The following LCA5 variants were observed in gnomAD, a reference collection of about 807,000 sequenced individuals.
LCA5 encodes the protein lebercilin.
In LCA5, 37 loss-of-function variants were observed where a neutral mutation model predicts 53.0. The ratio of observed to expected loss-of-function variants is 0.70; its 90% CI spans 0.54 to 0.92. LCA5 has a LOEUF of 0.92. Among genes scored for constraint, LCA5 ranks in the 40% least tolerant of loss-of-function variants. The pLI, the probability that LCA5 is intolerant of heterozygous loss-of-function variation, is 0.00. For synonymous variants in LCA5, 303 were observed against 282.9 expected, an observed-to-expected ratio of 1.07 and a Z score of -0.71; for missense variants, 806 against 790.5, an observed-to-expected ratio of 1.02 and a Z score of -0.23.
chr6:79,525,786 G>T (rs569225817), intron 1 of LCA5, among the ~76,000 whole-genome samples: 1 of 150,804 alleles, frequency 6.6e-6, no homozygotes, highest in African/African-American at 2.4e-5. Flanking sequence ...AACTGACCTT[G>T]CAGGCCAGGG....
Position 79,487,528 on chromosome 6 carries a change from A to C in LCA5, c.1570T>G (p.Leu524Val). ...GGAGTTGAGAAACTGATGTCTTGCA[A>C]ATGATGCCCATTAAATAATCTCTCT... ...SSERLFNGHH[L>V]QDISFSTPKG... The change falls in exon 8 of 8, where the codon TTG becomes GTG. Residue 524 changes from leucine to valine, a missense_variant. Physicochemically the swap from Leu to Val is conservative, Grantham distance 32. Transcript: ENST00000369846. The C allele has an allele frequency of 6.2e-7, 1 of 1,614,058 alleles. No individual in the cohort carries two copies. The highest frequency in any genetic ancestry group is 8.5e-7 in the Non-Finnish European group (1 of 1,179,944).
At chr6:79,491,816 G>GC in intron 5 of LCA5, 86 bp from the exon 6 acceptor site, 14 of 1,107,832 alleles carry the variant, frequency 1.3e-5, no homozygotes, top group Non-Finnish European at 1.7e-5. Flanking sequence ...ATATATATAT[G>GC]CATGTGTGTT....
chr6:79,496,599 C>T (rs1769989548), intron 3 of LCA5, among the ~76,000 whole-genome samples: 1 of 152,020 alleles, frequency 6.6e-6, no homozygotes, highest in Non-Finnish European at 1.5e-5. Flanking sequence ...TATATGACTC[C>T]ACGTATATAA....
At chr6:79,502,054 G>A (rs1236635742) in intron 3 of LCA5, among the ~76,000 whole-genome samples, 1 of 152,028 alleles carries the variant, frequency 6.6e-6, no homozygotes, top group Non-Finnish European at 1.5e-5. Flanking sequence ...TTAAAAACCT[G>A]GTAGAGATTT....
rs1769643457 is a variant in LCA5, at chr6:79,486,019, A to T, written c.*985T>A. 6.6e-6 allele frequency: 1 copy of T among 152,150 alleles called. No individual in the cohort carries two copies. Among genetic ancestry groups the T allele is most frequent in the African/African-American group, 2.4e-5 (1 of 41,436 alleles). 9.4% of individuals were successfully genotyped at this position (152,150 alleles called of 1,614,324 possible). ...CACTTCTATTCAAAGTTGCTTTAAA[A>T]CTAATCCTGTAAGTCCAATAGTATT... On this transcript the variant is annotated 3_prime_UTR_variant, in exon 8 of 8. Transcript: ENST00000369846.
intron 1 of LCA5, among the ~76,000 whole-genome samples, chr6:79,526,065 C>G (rs776307150): frequency 1.3e-5 from 2 of 152,186 alleles, no homozygotes; most frequent in African/African-American, 2.4e-5. Context: ...GATTAGAAAA[C>G]AGGCCACAGG....
intron 3 of LCA5, among the ~76,000 whole-genome samples, chr6:79,499,899 A>G (rs1443878115): frequency 1.6e-5 from 2 of 127,198 alleles, no homozygotes; most frequent in African/African-American, 3.0e-5. Flanking sequence ...TCCTGTGTCC[A>G]TGTGTTCTCA....
At chr6:79,519,386 T>A (rs998154373) in intron 1 of LCA5, among the ~76,000 whole-genome samples, 3 of 152,162 alleles carry the variant, frequency 2.0e-5, no homozygotes, top group African/African-American at 7.2e-5. Flanking sequence ...TAATGGACAA[T>A]AATGATCAAA....
intron 3 of LCA5, 87 bp from the exon 4 acceptor site, chr6:79,493,837 T>C: frequency 9.6e-7 from 1 of 1,041,680 alleles, no homozygotes; most frequent in Non-Finnish European, 1.4e-6. Flanking sequence ...ATGATGTTTT[T>C]AGTGGTATTG....
chr6:79,535,824 G>A (rs768441798), intron 1 of LCA5, among the ~76,000 whole-genome samples: 3 of 152,148 alleles, frequency 2.0e-5, no homozygotes, highest in African/African-American at 7.2e-5. Flanking sequence ...GAAGACGGAA[G>A]ACTGAAGACT....
At chr6:79,503,337 T>C (rs908605843) in intron 3 of LCA5, among the ~76,000 whole-genome samples, 3 of 152,166 alleles carry the variant, frequency 2.0e-5, no homozygotes, top group African/African-American at 7.2e-5. Context: ...GAAGTCCCCT[T>C]TGTAACATAA....
intron 3 of LCA5, 108 bp downstream of exon 3, chr6:79,513,104 C>A (rs772895270): frequency 2.7e-6 from 3 of 1,106,858 alleles, no homozygotes; most frequent in East Asian, 4.8e-5. Context: ...AAATAGTTTT[C>A]ATTTCCAAGC....
intron 1 of LCA5, among the ~76,000 whole-genome samples, chr6:79,526,198 C>A (rs974915887): frequency 6.6e-6 from 1 of 152,128 alleles, no homozygotes; most frequent in Non-Finnish European, 1.5e-5. Flanking sequence ...GGGGTGGAAG[C>A]CTTTCCCCTT....
At chr6:79,493,993 T>C (rs1401463161) in intron 3 of LCA5, among the ~76,000 whole-genome samples, 1 of 152,140 alleles carries the variant, frequency 6.6e-6, no homozygotes, top group East Asian at 1.9e-4. Flanking sequence ...AAGGCTGGGA[T>C]GGTGGCTCAT....
At chr6:79,518,672 T>C (rs1766519491) in intron 2 of LCA5, 33 bp downstream of exon 2, 1 of 1,601,412 alleles carries the variant, frequency 6.2e-7, no homozygotes, top group Non-Finnish European at 8.6e-7. Flanking sequence ...ATGAGTCTTC[T>C]AGGTCCACCA....
At chr6:79,538,589 C>T (rs1767226463), upstream of LCA5, among the ~76,000 whole-genome samples, 1 of 152,200 alleles carries the variant, frequency 6.6e-6, no homozygotes. Flanking sequence ...TCTCTGCTGA[C>T]ACTGTTAAAA....
At chr6:79,537,481 T>C (rs374739250), upstream of LCA5, 1 of 152,284 alleles carries the variant, frequency 6.6e-6, no homozygotes, top group Non-Finnish European at 1.5e-5. Context: ...CGAGCTCCCA[T>C]TGGCTTCTGT....
chr6:79,509,879 T>C (rs1232646784), intron 3 of LCA5, among the ~76,000 whole-genome samples: 3 of 152,150 alleles, frequency 2.0e-5, no homozygotes, highest in African/African-American at 7.2e-5. Context: ...AGACACATAC[T>C]ATGTGCAAGA....
intron 1 of LCA5, among the ~76,000 whole-genome samples, chr6:79,535,480 A>T (rs1300867111): frequency 6.6e-6 from 1 of 152,192 alleles, no homozygotes. Context: ...AGTAAGATAA[A>T]CTACACTTGG....
Sources: gnomAD v4.1 joint callset for allele counts (sites outside exome capture counted in the v4.1 genomes callset) on GRCh38, gnomAD v4.1.1 for gene constraint, MANE v1.5 for transcripts, NCBI Gene and HGNC (gene_info 2026-07-23, HGNC 2026-07-21) for gene names.